The following CACNA2D1 variants were observed in gnomAD, a reference collection of about 807,000 sequenced individuals.
CACNA2D1 encodes voltage-dependent calcium channel subunit alpha-2/delta-1.
Under a neutral mutation model 171.5 loss-of-function variants are expected in CACNA2D1, and 53 were observed. The observed-to-expected ratio is 0.31, with a 90% CI of 0.25 to 0.39. CACNA2D1 has a LOEUF of 0.39. Ranked by LOEUF, CACNA2D1 falls within the 10% of genes least tolerant of loss-of-function variation. The pLI is 1.00. For synonymous variants in CACNA2D1, 442 were observed against 443.1 expected, an observed-to-expected ratio of 1.00 and a Z score of 0.03; for missense variants, 903 against 1,299.8, an observed-to-expected ratio of 0.69 and a Z score of 4.69.
At chr7:82,212,394 T>C (rs1800649579) in intron 3 of CACNA2D1, among the ~76,000 whole-genome samples, 1 of 152,248 alleles carries the variant, frequency 6.6e-6, no homozygotes, top group Non-Finnish European at 1.5e-5. Flanking sequence ...ATTGATGCAT[T>C]GAATTTTATC....
chr7:82,397,587 C>A (rs1406434598), intron 1 of CACNA2D1, among the ~76,000 whole-genome samples: 1 of 152,138 alleles, frequency 6.6e-6, no homozygotes, highest in Non-Finnish European at 1.5e-5. Context: ...AAAGGCAAAT[C>A]AGTGATTAAA....
In CACNA2D1 at chr7:82,324,222, G is replaced by A. The variant is rs567895986; in HGVS notation, c.294+10913C>T. On this transcript the variant is annotated intron_variant, in intron 3 of 38. Coordinates refer to ENST00000356860, the MANE Select transcript of CACNA2D1 (RefSeq NM_000722.4). ...AAAATACAAAAATTAGCTGGGTGTT[G>A]TGGTGGGTGCCTGTAATCCCAGCTA... Among the ~76,000 whole-genome samples, 6 of 152,084 alleles carry A rather than the reference G, an allele frequency of 3.9e-5. No individual in the cohort carries two copies. In the South Asian group the frequency reaches 1.2e-3, roughly 32 times the overall value.
chr7:81,955,972 ATATATATATT>A (rs1415835265), intron 38 of CACNA2D1, among the ~76,000 whole-genome samples: 1,283 of 69,758 alleles, frequency 0.018, 4 homozygotes, highest in Non-Finnish European at 0.024. Flanking sequence ...ATATATATAT[ATATATATATT>A]TTTTTTTTTT....
At chr7:82,411,938 T>C (rs1324398701) in intron 1 of CACNA2D1, among the ~76,000 whole-genome samples, 1 of 148,074 alleles carries the variant, frequency 6.8e-6, no homozygotes, top group African/African-American at 2.5e-5. Context: ...CCCCATTATC[T>C]GGATTTGCAA....
Position 82,280,366 on chromosome 7 carries a change from AG to A in CACNA2D1, c.294+54768del, listed in dbSNP as rs1346935559. ...GAATTCCAGGACAAAAGAGCTCATA[AG>A]GACAAAACACGAGGCTCAAGTAATT... On this transcript the variant is annotated intron_variant, in intron 3 of 38. Coordinates refer to ENST00000356860, the MANE Select transcript of CACNA2D1 (RefSeq NM_000722.4). Among the ~76,000 whole-genome samples the A allele has an allele frequency of 1.3e-4, 20 of 152,336 alleles. No individual in the cohort carries two copies. The South Asian group carries it at 4.1e-3, about 32-fold the overall frequency.
chr7:82,041,414 T>C (rs958746796), intron 10 of CACNA2D1, among the ~76,000 whole-genome samples: 1 of 152,060 alleles, frequency 6.6e-6, no homozygotes. Context: ...GTATGTGGAT[T>C]TGGATGATGA....
intron 12 of CACNA2D1, among the ~76,000 whole-genome samples, chr7:82,021,381 A>G (rs1467301267): frequency 3.9e-5 from 6 of 152,148 alleles, no homozygotes; most frequent in Non-Finnish European, 2.9e-5. Context: ...TTCCCTACTT[A>G]TAAGATGACA....
chr7:82,085,830 G>A (rs1810410169), intron 6 of CACNA2D1, among the ~76,000 whole-genome samples: 1 of 152,070 alleles, frequency 6.6e-6, no homozygotes, highest in African/African-American at 2.4e-5. Flanking sequence ...TACAATGAAA[G>A]AGAAGCAATT....
chr7:82,394,989 A>G (rs1205397265), intron 1 of CACNA2D1, among the ~76,000 whole-genome samples: 1 of 152,126 alleles, frequency 6.6e-6, no homozygotes, highest in Non-Finnish European at 1.5e-5. Context: ...CCTAATGACA[A>G]TTTCAATAGT....
At chr7:82,062,200 A>C (rs1449439975) in intron 9 of CACNA2D1, among the ~76,000 whole-genome samples, 1 of 152,178 alleles carries the variant, frequency 6.6e-6, no homozygotes, top group African/African-American at 2.4e-5. Context: ...ATGAGCAGCC[A>C]ATCAGCCTGT....
intron 3 of CACNA2D1, among the ~76,000 whole-genome samples, chr7:82,184,849 T>C (rs1797498226): frequency 6.6e-6 from 1 of 152,330 alleles, no homozygotes; most frequent in Admixed American, 6.5e-5. Flanking sequence ...GAAGGGCTGA[T>C]ATATTTTCAC....
intron 1 of CACNA2D1, among the ~76,000 whole-genome samples, chr7:82,352,668 A>G (rs1289822050): frequency 6.6e-6 from 1 of 152,186 alleles, no homozygotes; most frequent in Admixed American, 6.6e-5. Flanking sequence ...TGTTTGAGGA[A>G]GCAGAAGAGA....
In CACNA2D1 at chr7:82,066,526, TAAA is replaced by T. The variant is rs370103843; in HGVS notation, c.659-5_659-3del. The T allele has an allele frequency of 2.5e-3, 3,581 of 1,430,140 alleles. No homozygotes were observed. The highest frequency in any genetic ancestry group is 7.8e-3 in the Admixed American group (310 of 39,716). 88.6% of individuals were successfully genotyped at this position (1,430,140 alleles called of 1,614,324 possible). The stretch of plus-strand genomic sequence containing the variant: ...TACTATTATCAACCCATGGTGAAGC[TAAA>T]AAAAAAAAAAAAAGAGAGATATTAA... On this transcript the variant is annotated splice_region_variant and splice_polypyrimidine_tract_variant and intron_variant, in intron 7 of 38. Transcript: ENST00000356860.
intron 6 of CACNA2D1, among the ~76,000 whole-genome samples, chr7:82,111,432 A>ATATGTGTGTGTG (rs1299709953): frequency 1.2e-5 from 1 of 80,544 alleles, no homozygotes; most frequent in Admixed American, 1.3e-4. Flanking sequence ...ATGTGTGTAT[A>ATATGTGTGTGTG]TATATATATA....
At chr7:82,260,152 G>A (rs931962976) in intron 3 of CACNA2D1, among the ~76,000 whole-genome samples, 1 of 152,112 alleles carries the variant, frequency 6.6e-6, no homozygotes, top group Non-Finnish European at 1.5e-5. Context: ...AACCCAGGAG[G>A]CAGAGGTTTC....
chr7:82,291,158 A>C (rs1443704748), intron 3 of CACNA2D1, among the ~76,000 whole-genome samples: 5 of 122,196 alleles, frequency 4.1e-5, no homozygotes, highest in Non-Finnish European at 4.7e-5. Flanking sequence ...ATATAATTCT[A>C]TATCGATATA....
chr7:81,947,505 GGTT>G lies in CACNA2D1; in HGVS notation c.*2884_*2886del, dbSNP rs1284631391. 6.6e-6 allele frequency: 1 copy of G among 151,780 alleles called. No homozygotes were observed. Among genetic ancestry groups the G allele is most frequent in the Non-Finnish European group, 1.5e-5 (1 of 67,830 alleles). The allele number at this position is 151,780 out of a possible 1,614,324, so 9.4% of individuals were successfully genotyped here. On this transcript the variant is annotated 3_prime_UTR_variant, in exon 39 of 39. Transcript: ENST00000356860. The stretch of plus-strand genomic sequence containing the variant: ...ACGGTTGGTGTTTGGCAGTAATGCT[GGTT>G]GTTTAAATGAGGAAAATAAAAAGAA...
At chr7:82,268,361 T>A (rs1423434126) in intron 3 of CACNA2D1, among the ~76,000 whole-genome samples, 1 of 152,188 alleles carries the variant, frequency 6.6e-6, no homozygotes, top group East Asian at 1.9e-4. Context: ...ATCACAGATA[T>A]GATATAACCT....
intron 4 of CACNA2D1, among the ~76,000 whole-genome samples, chr7:82,166,871 G>C (rs1029943938): frequency 6.6e-6 from 1 of 152,072 alleles, no homozygotes; most frequent in Non-Finnish European, 1.5e-5. Flanking sequence ...GAATGGAGCT[G>C]AGAGAGAGTG....
Sources: gnomAD v4.1 joint callset for allele counts (sites outside exome capture counted in the v4.1 genomes callset) on GRCh38, gnomAD v4.1.1 for gene constraint, MANE v1.5 for transcripts, NCBI Gene and HGNC (gene_info 2026-07-23, HGNC 2026-07-21) for gene names.